CDKN2A: variants seen among roughly 807,000 people sequenced by gnomAD.
CDKN2A encodes cyclin dependent kinase inhibitor 2A.
A neutral mutation model predicts 11.1 loss-of-function variants in CDKN2A; 3 were observed. That is an observed-to-expected ratio of 0.27 (90% CI 0.12 to 0.70). The LOEUF is 0.70. Ranked by LOEUF, CDKN2A falls within the 30% of genes least tolerant of loss-of-function variation. The pLI, the probability that CDKN2A is intolerant of heterozygous loss-of-function variation, is 0.77. For missense variants in CDKN2A, 265 were observed against 233.6 expected (o/e 1.13, Z -0.88); for synonymous variants, 122 against 108.1 (o/e 1.13, Z -0.80).
In CDKN2A at chr9:21,974,709, G is replaced by C. The variant is rs2131112375; in HGVS notation, c.119C>G (p.Ala40Gly). 6.2e-7 allele frequency: 1 copy of C among 1,612,148 alleles called. No individual in the cohort carries two copies. Among genetic ancestry groups the C allele is most frequent in the South Asian group, 1.1e-5 (1 of 91,074 alleles). Residue 40 changes from alanine (A) to glycine (G), a missense_variant, in exon 1 of 3, where the codon GCA (alanine) becomes GGA (glycine). Physicochemically the swap from Ala to Gly is moderately conservative, Grantham distance 60. Transcript: ENST00000304494. This position sits in a 1 kb window ranked among gnomAD's most constrained non-coding sequence, Gnocchi z 5.2. ...ALLEAGALPN[A>G]PNSYGRRPIQ... The stretch of plus-strand genomic sequence containing the variant: ...CGGCCTCCGACCGTAACTATTCGGT[G>C]CGTTGGGCAGCGCCCCCGCCTCCAG...
At chr9:21,971,448 A>C (rs890325361) in intron 1 of CDKN2A, 2 of 1,256,642 alleles carry the variant, frequency 1.6e-6, no homozygotes, top group Non-Finnish European at 2.1e-6. Context: ...GGCAGAGAGC[A>C]CTGTGAGGCA....
intron 2 of CDKN2A, chr9:21,969,575 A>C (rs1819593565): frequency 2.5e-6 from 1 of 395,130 alleles, no homozygotes; most frequent in South Asian, 1.4e-4. Flanking sequence ...GTTTGGATTA[A>C]ATATATTAGG....
intron 1 of CDKN2A, chr9:21,994,103 C>T (rs761780931): frequency 6.3e-7 from 1 of 1,589,374 alleles, no homozygotes; most frequent in Non-Finnish European, 8.5e-7. Flanking sequence ...AAACAAGTGC[C>T]GAATGCGCCC....
chr9:21,981,847 T>A (rs114311412), intron 2 of CDKN2A, among the ~76,000 whole-genome samples: 1,526 of 152,240 alleles, frequency 0.01, 24 homozygotes, highest in African/African-American at 0.034. Flanking sequence ...GGTATTTAAT[T>A]ACTTATGTTC....
intron 2 of CDKN2A, among the ~76,000 whole-genome samples, chr9:21,987,878 G>C (rs1820338935): frequency 6.6e-6 from 1 of 152,150 alleles, no homozygotes; most frequent in African/African-American, 2.4e-5. Context: ...ACTTGTATTA[G>C]TATCTCCTTC....
At chr9:21,971,358 C>G in intron 1 of CDKN2A, 150 bp from the exon 2 acceptor site, 1 of 1,495,492 alleles carries the variant, frequency 6.7e-7, no homozygotes, top group South Asian at 1.3e-5. Context: ...TTCCAATTTC[C>G]TTCTTGAGTT....
chr9:21,979,955 C>A (rs1236127375), intron 2 of CDKN2A, among the ~76,000 whole-genome samples: 3 of 152,040 alleles, frequency 2.0e-5, no homozygotes, highest in Non-Finnish European at 4.4e-5. Context: ...CATAAAGAGA[C>A]AGAAAGATAC....
intron 2 of CDKN2A, chr9:21,993,799 C>CTGTGTGTGTG (rs71336508): frequency 1.1e-3 from 268 of 247,480 alleles, no homozygotes; most frequent in Middle Eastern, 2.8e-3. Context: ...ACCTTTCCTA[C>CTGTGTGTGTG]TGTGTGTGTG....
intron 2 of CDKN2A, among the ~76,000 whole-genome samples, chr9:21,987,988 A>G (rs1218051652): frequency 2.0e-5 from 3 of 152,230 alleles, no homozygotes; most frequent in Non-Finnish European, 4.4e-5. Flanking sequence ...AAGGCAGCCC[A>G]GGTAATAATG....
intron 2 of CDKN2A, chr9:21,992,229 AATCCTAAC>A: frequency 4.3e-6 from 4 of 939,532 alleles, no homozygotes; most frequent in Non-Finnish European, 5.1e-6. Flanking sequence ...GAATTGTATG[AATCCTAAC>A]ATAATTAGTA....
chr9:21,989,095 A>T (rs1820365089), intron 2 of CDKN2A, among the ~76,000 whole-genome samples: 1 of 145,978 alleles, frequency 6.9e-6, no homozygotes, highest in Non-Finnish European at 1.5e-5. Context: ...CAACAAATAG[A>T]AAAAAAACGC....
Position 21,968,785 on chromosome 9 carries a change from G to T in CDKN2A, c.458-543C>A, listed in dbSNP as rs1458280278. ...TTCCGATCATTTCTGAAACAAAATG[G>T]ATGCTCATTTATTCATGTGCTCTGG... On this transcript the variant is annotated intron_variant, in intron 2 of 2. Coordinates refer to ENST00000304494, the MANE Select transcript of CDKN2A (RefSeq NM_000077.5). This position sits in a 1 kb window ranked among gnomAD's most constrained non-coding sequence, Gnocchi z 4.7. The T allele has an allele frequency of 1.3e-6, 2 of 1,535,798 alleles. No homozygotes were observed. Among genetic ancestry groups the T allele is most frequent in the African/African-American group, 1.4e-5 (1 of 73,012 alleles).
chr9:21,978,830 G>A (rs1431007209), upstream of CDKN2A, among the ~76,000 whole-genome samples: 2 of 152,070 alleles, frequency 1.3e-5, no homozygotes, highest in African/African-American at 2.4e-5. Context: ...AGACTGCCAG[G>A]GTTCAAACCT....
upstream of CDKN2A, among the ~76,000 whole-genome samples, chr9:21,978,011 G>C (rs1194853808): frequency 2.0e-5 from 3 of 151,600 alleles, no homozygotes; most frequent in South Asian, 2.1e-4. Flanking sequence ...ACAAGTTTTA[G>C]ATATGTATAT....
chr9:21,994,096 C>G (rs1190896163), intron 1 of CDKN2A: 1 of 1,582,484 alleles, frequency 6.3e-7, no homozygotes, highest in African/African-American at 1.3e-5. Flanking sequence ...CCAAACAAAA[C>G]AAGTGCCGAA....
At chr9:21,979,652 T>C (rs948953835), upstream of CDKN2A, among the ~76,000 whole-genome samples, 1 of 152,118 alleles carries the variant, frequency 6.6e-6, no homozygotes, top group African/African-American at 2.4e-5. Flanking sequence ...GGTTAGCTTG[T>C]TTGCAGAGTG....
chr9:21,972,435 G>C (rs893152437), intron 1 of CDKN2A, among the ~76,000 whole-genome samples: 1 of 152,124 alleles, frequency 6.6e-6, no homozygotes, highest in African/African-American at 2.4e-5. Flanking sequence ...TACAAGAATG[G>C]AAGCACAGGC....
At chr9:21,992,437 T>C (rs2131143464) in intron 2 of CDKN2A, 1 of 984,078 alleles carries the variant, frequency 1.0e-6, no homozygotes, top group South Asian at 4.7e-5. Context: ...AGAAACTTCC[T>C]GAAGATTGCG....
At chr9:21,994,718 T>G (rs1213051216) in intron 1 of CDKN2A, 4 of 56,888 alleles carry the variant, frequency 7.0e-5, no homozygotes, top group African/African-American at 1.1e-4. Context: ...CTTCCCACCC[T>G]CAGCGCGGGC....
Sources: allele counts gnomAD v4.1 joint callset (sites outside exome capture counted in the v4.1 genomes callset), GRCh38; gene constraint gnomAD v4.1.1; non-coding constraint Gnocchi (gnomAD v3.1); transcripts MANE v1.5; gene names NCBI Gene and HGNC (gene_info 2026-07-23, HGNC 2026-07-21).